P2RX5: variants seen among roughly 807,000 people sequenced by gnomAD.
P2RX5 encodes the protein purinergic receptor P2X 5, also known as P2X purinoceptor 5.
Under a neutral mutation model 54.1 loss-of-function variants are expected in P2RX5, and 46 were observed. The ratio of observed to expected loss-of-function variants is 0.85; its 90% CI spans 0.67 to 1.09. The LOEUF (loss-of-function observed/expected upper bound fraction) is 1.09. Ranked by LOEUF, P2RX5 falls within the 50% of genes least tolerant of loss-of-function variation. The probability of loss-of-function intolerance (pLI) is 0.00; values close to 1 mark genes in which losing one functional copy is unlikely to be tolerated. For missense variants in P2RX5, 566 were observed against 549.8 expected, an observed-to-expected ratio of 1.03 and a Z score of -0.29; for synonymous variants, 226 against 226.4, an observed-to-expected ratio of 1.00 and a Z score of 0.02.
the P2RX5 span, among the ~76,000 whole-genome samples, chr17:3,711,953 T>C: frequency 6.6e-6 from 1 of 152,168 alleles, no homozygotes; most frequent in East Asian, 1.9e-4. Flanking sequence ...GTTCCCCCGA[T>C]TACAGCTGCC....
chr17:3,681,893 G>A lies in P2RX5; in HGVS notation c.1064+3C>T, dbSNP rs1190283101. ...GGGCCGCCGGCCTGGAAGCGGAACT[G>A]ACCTCACTTCCTCGTACTTCTTGTC... On this transcript the variant is annotated splice_donor_region_variant and intron_variant, in intron 10 of 11. Transcript: ENST00000225328. 6.2e-7 allele frequency: 1 copy of A among 1,607,104 alleles called. No individual in the cohort carries two copies. Among genetic ancestry groups the A allele is most frequent in the Non-Finnish European group, 8.5e-7 (1 of 1,173,796 alleles).
intron 7 of P2RX5, 65 bp downstream of exon 7, chr17:3,689,427 G>A (rs115206895): frequency 0.012 from 19,295 of 1,594,962 alleles, 139 homozygotes; most frequent in Non-Finnish European, 0.015. Flanking sequence ...CACCCTCCTC[G>A]TCACAGAGCC....
At chr17:3,681,735 C>A (rs542935000) in intron 10 of P2RX5, among the ~76,000 whole-genome samples, 161 bp downstream of exon 10, 2 of 152,322 alleles carry the variant, frequency 1.3e-5, no homozygotes, top group African/African-American at 4.8e-5. Context: ...GAGGCCGAAT[C>A]CGGTTCTGTA....
chr17:3,723,755 A>G, the P2RX5 span: 1 of 1,606,868 alleles, frequency 6.2e-7, no homozygotes, highest in South Asian at 1.1e-5. Flanking sequence ...CTGAAACGAG[A>G]GCCATGACCG....
chr17:3,690,430 G>A lies in P2RX5; in HGVS notation c.530C>T (p.Pro177Leu), dbSNP rs759279098. 1.2e-5 allele frequency: 20 copies of A among 1,608,136 alleles called. No homozygotes were observed. Among genetic ancestry groups the A allele is most frequent in the Admixed American group, 5.0e-5 (3 of 59,576 alleles). Residue 177 changes from proline to leucine, a missense_variant, in exon 5 of 12, where the codon CCG becomes CTG. By Grantham distance (98) the Pro-to-Leu change is moderately conservative. Transcript: ENST00000225328. Reference protein sequence around the residue: ...AWCPLETSSRPEEPFLKEAED... With the variant: ...AWCPLETSSRLEEPFLKEAED... ...TCCTGAGGCTGCAGCCACTCACTCC[G>A]GCCTGGAGCTTGTCTCCAACGGGCA...
At chr17:3,720,900 T>C in the P2RX5 span, among the ~76,000 whole-genome samples, 1 of 152,116 alleles carries the variant, frequency 6.6e-6, no homozygotes, top group African/African-American at 2.4e-5. Flanking sequence ...CAACTTCTTT[T>C]CCCTTGTGCC....
At chr17:3,722,939 C>A in the P2RX5 span, among the ~76,000 whole-genome samples, 1 of 152,176 alleles carries the variant, frequency 6.6e-6, no homozygotes, top group Non-Finnish European at 1.5e-5. Flanking sequence ...ATTGCAACAG[C>A]CCTGGCAAGA....
chr17:3,690,557 C>T, intron 4 of P2RX5, 34 bp from the exon 5 acceptor site: 1 of 1,611,394 alleles, frequency 6.2e-7, no homozygotes. Context: ...TGCCAGGAGC[C>T]TCCCACTCCG....
chr17:3,720,733 C>G, the P2RX5 span: 1 of 194,382 alleles, frequency 5.1e-6, no homozygotes, highest in African/African-American at 2.4e-5. Context: ...TGGGCATGTG[C>G]CACCATGCCA....
Position 3,673,646 on chromosome 17 carries a change from G to C in P2RX5, c.*222C>G, listed in dbSNP as rs1427036860. The C allele has an allele frequency of 2.8e-6, 4 of 1,441,176 alleles. No homozygotes were observed. The highest frequency in any genetic ancestry group is 3.6e-6 in the Non-Finnish European group (4 of 1,098,458). 89.3% of individuals were successfully genotyped at this position (1,441,176 alleles called of 1,614,324 possible). ...GAGAAAGGAAGAACTGACGGCAGGGGGTGGGGCAAAAAGACAGCCATGATG... is the reference window on the plus strand; with the variant it reads ...GAGAAAGGAAGAACTGACGGCAGGGCGTGGGGCAAAAAGACAGCCATGATG... On this transcript the variant is annotated 3_prime_UTR_variant, in exon 12 of 12. Coordinates refer to ENST00000225328, the MANE Select transcript of P2RX5 (RefSeq NM_002561.4).
At chr17:3,723,654 C>T in the P2RX5 span, 3 of 1,547,712 alleles carry the variant, frequency 1.9e-6, no homozygotes, top group Non-Finnish European at 2.6e-6. Flanking sequence ...AGGCCCTCCG[C>T]CCTCCCCTGG....
At chr17:3,718,137 T>C in the P2RX5 span, 96,867 of 152,196 alleles carry the variant, frequency 0.64, 31,894 homozygotes, top group African/African-American at 0.76. Context: ...TCTCTCCTTT[T>C]GGATTTTATT....
intron 8 of P2RX5, 32 bp from the exon 9 acceptor site, chr17:3,688,137 G>A (rs1322928732): frequency 1.7e-6 from 2 of 1,182,248 alleles, no homozygotes; most frequent in Non-Finnish European, 2.5e-6. Context: ...GGAGGCCTCA[G>A]CCTGCCTGGC....
upstream of P2RX5, among the ~76,000 whole-genome samples, chr17:3,697,812 G>C (rs1161928948): frequency 6.6e-6 from 1 of 152,066 alleles, no homozygotes; most frequent in Non-Finnish European, 1.5e-5. Context: ...CCCACCCAAA[G>C]TAGCCCCCAG....
At chr17:3,714,949 CAAAG>C in the P2RX5 span, 39 of 1,569,006 alleles carry the variant, frequency 2.5e-5, no homozygotes, top group Non-Finnish European at 3.4e-5. Context: ...CACACTGAAA[CAAAG>C]GAAGGAAAAG....
chr17:3,705,297 C>T, the P2RX5 span, among the ~76,000 whole-genome samples: 2 of 152,172 alleles, frequency 1.3e-5, no homozygotes, highest in East Asian at 3.9e-4. Context: ...CCATAGTTCC[C>T]TGTACACGAT....
chr17:3,689,768 G>A, intron 6 of P2RX5, 138 bp from the exon 7 acceptor site: 2 of 1,119,226 alleles, frequency 1.8e-6, no homozygotes, highest in Non-Finnish European at 2.7e-6. Context: ...GCAGGGGAAG[G>A]GGCGCCCCAG....
chr17:3,698,732 C>T (rs1038288039), upstream of P2RX5, among the ~76,000 whole-genome samples: 1 of 152,090 alleles, frequency 6.6e-6, no homozygotes, highest in Non-Finnish European at 1.5e-5. Context: ...GACCAGGCTG[C>T]AACTTCTGAC....
intron 11 of P2RX5, chr17:3,676,704 G>T: frequency 4.4e-6 from 1 of 226,460 alleles, no homozygotes; most frequent in Non-Finnish European, 6.9e-6. Flanking sequence ...TCTGATTTGG[G>T]TGGGGGGCGG....
Sources: gnomAD v4.1 joint callset for allele counts (sites outside exome capture counted in the v4.1 genomes callset) on GRCh38, gnomAD v4.1.1 for gene constraint, MANE v1.5 for transcripts, NCBI Gene and HGNC (gene_info 2026-07-23, HGNC 2026-07-21) for gene names.